Variants in GNAZ observed in about 807,000 individuals in gnomAD.
GNAZ encodes guanine nucleotide-binding protein G(z) subunit alpha.
GNAZ carries 3 observed loss-of-function variants against 25.4 expected under a neutral mutation model. That is an observed-to-expected ratio of 0.12 (90% CI 0.05 to 0.30). GNAZ has a LOEUF of 0.30. Ranked by LOEUF, GNAZ falls within the 10% of genes least tolerant of loss-of-function variation. The probability of loss-of-function intolerance (pLI) is 1.00; values close to 1 mark genes in which losing one functional copy is unlikely to be tolerated. For synonymous variants in GNAZ, 211 were observed against 205.7 expected (o/e 1.03, Z -0.22); for missense variants, 241 against 501.8 (o/e 0.48, Z 4.97).
intron 1 of GNAZ, among the ~76,000 whole-genome samples, chr22:23,080,363 C>G (rs1176836899): frequency 6.6e-6 from 1 of 151,882 alleles, no homozygotes; most frequent in Non-Finnish European, 1.5e-5. Flanking sequence ...CCCTGTTCAT[C>G]TCATCTCCCC....
Position 23,101,562 on chromosome 22 carries a change from C to T in GNAZ, c.723+5144C>T, listed in dbSNP as rs540290525. 5.3e-5 allele frequency among the ~76,000 whole-genome samples: 8 copies of T among 152,336 alleles called. No homozygotes were observed. The South Asian group carries it at 1.7e-3, about 32-fold the overall frequency. On this transcript the variant is annotated intron_variant, in intron 2 of 2. Transcript: ENST00000615612. ...CCTAGCAGAACATGGCCTCACTCTG[C>T]CTCCTGTTCCTGACCTGGTCAAGGG... is the stretch of plus-strand genomic sequence containing the variant.
chr22:23,113,667 T>C (rs2069725241), intron 2 of GNAZ, among the ~76,000 whole-genome samples: 1 of 152,210 alleles, frequency 6.6e-6, no homozygotes, highest in South Asian at 2.1e-4. Flanking sequence ...CACAGGCCCC[T>C]CCACTCGGTA....
intron 2 of GNAZ, among the ~76,000 whole-genome samples, chr22:23,110,876 C>T (rs974379906): frequency 1.4e-4 from 21 of 152,176 alleles, no homozygotes; most frequent in Non-Finnish European, 1.5e-4. Flanking sequence ...GGCGAGCACA[C>T]GGGGCAACTC....
intron 2 of GNAZ, among the ~76,000 whole-genome samples, chr22:23,098,729 G>A (rs1301650620): frequency 6.6e-6 from 1 of 152,262 alleles, no homozygotes; most frequent in East Asian, 1.9e-4. Context: ...AGTAATATCT[G>A]GAGATGGAAA....
intron 1 of GNAZ, among the ~76,000 whole-genome samples, chr22:23,080,164 T>G (rs1474980807): frequency 7.2e-5 from 11 of 152,242 alleles, no homozygotes; most frequent in Admixed American, 6.5e-4. Flanking sequence ...GTGGAACCTT[T>G]GCATATTGAT....
rs986473130 is a variant in GNAZ at position 23,095,770 on chromosome 22, A to G, written c.75A>G (p.Ser25=). ...RSRRIDRHLR[S]ESQRQRREIK... The stretch of plus-strand genomic sequence containing the variant: ...GGAGAATTGACCGCCACCTGCGCTC[A>G]GAGAGCCAGCGGCAACGCCGCGAAA... The change falls in exon 2 of 3, where the codon TCA becomes TCG. Residue 25 remains serine, a synonymous_variant. Coordinates refer to ENST00000615612, the MANE Select transcript of GNAZ (RefSeq NM_002073.4). 6.2e-7 allele frequency: 1 copy of G among 1,613,002 alleles called. No individual in the cohort carries two copies. The highest frequency in any genetic ancestry group is 8.5e-7 in the Non-Finnish European group (1 of 1,179,946).
intron 1 of GNAZ, among the ~76,000 whole-genome samples, chr22:23,079,288 C>T (rs2068605162): frequency 6.6e-6 from 1 of 152,328 alleles, no homozygotes; most frequent in South Asian, 2.1e-4. Context: ...AGGGAGGCCT[C>T]CTAAGGAAGG....
chr22:23,087,690 T>C (rs553472060), intron 1 of GNAZ, among the ~76,000 whole-genome samples: 11 of 152,244 alleles, frequency 7.2e-5, no homozygotes, highest in Non-Finnish European at 1.0e-4. Context: ...GGAGTGCTGA[T>C]TGGTCAGAGA....
intron 1 of GNAZ, among the ~76,000 whole-genome samples, chr22:23,092,207 C>T (rs1446562941): frequency 6.6e-6 from 1 of 152,148 alleles, no homozygotes; most frequent in Non-Finnish European, 1.5e-5. Context: ...CCAGTAAAGC[C>T]CGGGTTAGAC....
At chr22:23,088,632 G>A (rs1396774061) in intron 1 of GNAZ, among the ~76,000 whole-genome samples, 3 of 152,172 alleles carry the variant, frequency 2.0e-5, no homozygotes, top group Non-Finnish European at 4.4e-5. Context: ...GGTCAGCTCC[G>A]GTAGGGTGGA....
At chr22:23,092,720 C>T (rs1291862668) in intron 1 of GNAZ, among the ~76,000 whole-genome samples, 5 of 152,234 alleles carry the variant, frequency 3.3e-5, no homozygotes, top group Non-Finnish European at 7.3e-5. Context: ...CCAACCTGCT[C>T]TCCTGATTCC....
In GNAZ at chr22:23,071,700, G is replaced by A. The variant is rs2068381127; in HGVS notation, c.-450+1130G>A. Among the ~76,000 whole-genome samples the A allele has an allele frequency of 1.3e-5, 2 of 152,252 alleles. No homozygotes were observed. The highest frequency in any genetic ancestry group is 4.8e-5 in the African/African-American group (2 of 41,458). On this transcript the variant is annotated intron_variant, in intron 1 of 2. Transcript: ENST00000615612. This position sits in a 1 kb window ranked among gnomAD's most constrained non-coding sequence, Gnocchi z 4.1. ...TCTACTCGACCAACCCCGCTTGAGT[G>A]CAGGTGCAGGGGCCTCGGGAGGGAC... is the stretch of plus-strand genomic sequence containing the variant.
intron 1 of GNAZ, among the ~76,000 whole-genome samples, chr22:23,079,297 G>A (rs2068605442): frequency 1.3e-5 from 2 of 152,246 alleles, no homozygotes; most frequent in Admixed American, 1.3e-4. Flanking sequence ...TCCTAAGGAA[G>A]GGACATCTGA....
At chr22:23,112,830 A>C (rs952070890) in intron 2 of GNAZ, among the ~76,000 whole-genome samples, 2 of 152,122 alleles carry the variant, frequency 1.3e-5, no homozygotes, top group African/African-American at 4.8e-5. Context: ...GCAGGGAGCA[A>C]GGTGGCCAGT....
Position 23,097,580 on chromosome 22 carries a change from G to A in GNAZ, c.723+1162G>A, listed in dbSNP as rs139415583. 5.0e-3 allele frequency among the ~76,000 whole-genome samples: 757 copies of A among 152,384 alleles called. 5 individuals are homozygous for A. Among genetic ancestry groups the A allele is most frequent in the African/African-American group, 0.018 (734 of 41,598 alleles). ...GGGGAAACGAATGACGGACGGGCAG[G>A]CAGGTGTGTACGCAGGCGGCTGCGT... On this transcript the variant is annotated intron_variant, in intron 2 of 2. Transcript: ENST00000615612.
intron 1 of GNAZ, among the ~76,000 whole-genome samples, chr22:23,084,990 C>A (rs964151692): frequency 6.6e-6 from 1 of 152,206 alleles, no homozygotes; most frequent in African/African-American, 2.4e-5. Context: ...TACCAACCCC[C>A]ATCCTGTCCT....
rs758783162 is a variant in GNAZ at position 23,096,055 on chromosome 22, C to A, written c.360C>A (p.Ile120=). 1 of 1,607,384 alleles carries A rather than the reference C, an allele frequency of 6.2e-7. No individual in the cohort carries two copies. Among genetic ancestry groups the A allele is most frequent in the African/African-American group, 1.3e-5 (1 of 75,064 alleles). ...LTGPAESKGE[I]TPELLGVMRR... is the part of the protein sequence containing the mutation. Reference sequence around the variant, plus strand: ...GCCCCGCTGAGAGCAAGGGCGAGATCACACCCGAGCTGCTGGGTGTCATGC... The same window carrying A: ...GCCCCGCTGAGAGCAAGGGCGAGATAACACCCGAGCTGCTGGGTGTCATGC... The change falls in exon 2 of 3, where the codon ATC becomes ATA. Residue 120 remains isoleucine (I), a synonymous_variant. Coordinates refer to ENST00000615612, the MANE Select transcript of GNAZ (RefSeq NM_002073.4).
intron 1 of GNAZ, among the ~76,000 whole-genome samples, chr22:23,078,075 G>C (rs2068554888): frequency 1.3e-5 from 2 of 152,234 alleles, no homozygotes; most frequent in Admixed American, 1.3e-4. Flanking sequence ...TGGCCCTGTA[G>C]AGTGGCTACC....
At chr22:23,086,647 A>G (rs983736958) in intron 1 of GNAZ, among the ~76,000 whole-genome samples, 2 of 152,194 alleles carry the variant, frequency 1.3e-5, no homozygotes, top group Non-Finnish European at 2.9e-5. Context: ...GGCCCAGCCC[A>G]CAGTTGCCCC....
Sources: allele counts gnomAD v4.1 joint callset (sites outside exome capture counted in the v4.1 genomes callset), GRCh38; gene constraint gnomAD v4.1.1; non-coding constraint Gnocchi (gnomAD v3.1); transcripts MANE v1.5; gene names NCBI Gene and HGNC (gene_info 2026-07-23, HGNC 2026-07-21).